The following ZFHX3 variants were observed in gnomAD, a reference collection of about 807,000 sequenced individuals.
ZFHX3 encodes zinc finger homeobox protein 3.
A neutral mutation model predicts 279.1 loss-of-function variants in ZFHX3; 42 were observed. That is an observed-to-expected ratio of 0.15 (90% CI 0.12 to 0.19). The LOEUF (loss-of-function observed/expected upper bound fraction) is 0.19, where lower values mean the gene tolerates loss of function less well. Ranked by LOEUF, ZFHX3 falls within the 10% of genes least tolerant of loss-of-function variation. The pLI is 1.00. For synonymous variants in ZFHX3, 2,293 were observed against 1,957.8 expected, an observed-to-expected ratio of 1.17 and a Z score of -4.52; for missense variants, 4,981 against 4,754.0, an observed-to-expected ratio of 1.05 and a Z score of -1.40.
intron 1 of ZFHX3, among the ~76,000 whole-genome samples, chr16:73,835,807 G>A (rs1450739600): frequency 6.6e-6 from 1 of 152,004 alleles, no homozygotes; most frequent in African/African-American, 2.4e-5. Flanking sequence ...AGAGAAAAAA[G>A]AAAATTACAC....
chr16:72,884,601 C>T (rs1198001434), intron 4 of ZFHX3, among the ~76,000 whole-genome samples: 5 of 152,092 alleles, frequency 3.3e-5, no homozygotes, highest in Admixed American at 6.6e-5. Context: ...AGAAAAAGTA[C>T]TTAGGACAAG....
At chr16:73,365,100 G>A (rs1177767917) in intron 3 of ZFHX3, among the ~76,000 whole-genome samples, 1 of 152,180 alleles carries the variant, frequency 6.6e-6, no homozygotes, top group Admixed American at 6.5e-5. Flanking sequence ...CACATGTTTC[G>A]AGAAGAGAGG....
chr16:73,457,776 AAAAAT>A (rs576060574), intron 2 of ZFHX3, among the ~76,000 whole-genome samples: 4 of 152,186 alleles, frequency 2.6e-5, no homozygotes, highest in East Asian at 1.9e-4. Context: ...CTCCGTCTCA[AAAAAT>A]AAAATAAAAT....
intron 1 of ZFHX3, among the ~76,000 whole-genome samples, chr16:73,778,263 G>A (rs934621021): frequency 8.0e-3 from 385 of 48,036 alleles, no homozygotes; most frequent in African/African-American, 0.015. Context: ...AAAAAAAAAA[G>A]CATTGGACTT....
chr16:73,880,571 G>A (rs1292345075), intron 1 of ZFHX3, among the ~76,000 whole-genome samples: 8 of 152,278 alleles, frequency 5.3e-5, no homozygotes, highest in African/African-American at 1.4e-4. Flanking sequence ...AAGAGGGCTA[G>A]TGAAGTTAAA....
In ZFHX3 at chr16:73,600,418, C is replaced by CTT. The variant is rs34947000; in HGVS notation, c.-1547+79760_-1547+79761dup. ...CTGTGTATAGACCTTGGTCTCTCTA[C>CTT]TTTTTTTTTTTTTTTTTGAGATGGA... On this transcript the variant is annotated intron_variant, in intron 2 of 17. Transcript: ENST00000641206. 1.6e-3 allele frequency among the ~76,000 whole-genome samples: 190 copies of CTT among 119,570 alleles called. 2 individuals carry two copies. The highest frequency in any genetic ancestry group is 2.6e-3 in the East Asian group (10 of 3,818). 78.4% of individuals were successfully genotyped at this position (119,570 alleles called of 152,430 possible). A position where few individuals can be genotyped will look rare whatever the true frequency, so the allele number is the denominator to read the frequency against.
chr16:73,445,690 C>A lies in ZFHX3; in HGVS notation c.-1291+10313G>T, dbSNP rs572827348. 3.5e-4 allele frequency among the ~76,000 whole-genome samples: 54 copies of A among 152,302 alleles called. 2 individuals are homozygous for A. In the Middle Eastern group the frequency reaches 0.01, roughly 29 times the overall value. On this transcript the variant is annotated intron_variant, in intron 3 of 17. Coordinates refer to the ZFHX3 transcript ENST00000641206. ...CAGGTCACAGAAACCCAACTTCCAA[C>A]TTCTGGAGTCTCATTCATTGAGAGC... is the stretch of plus-strand genomic sequence containing the variant.
intron 1 of ZFHX3, among the ~76,000 whole-genome samples, chr16:73,807,298 A>T (rs181657811): frequency 4.6e-5 from 7 of 152,050 alleles, no homozygotes; most frequent in Non-Finnish European, 8.8e-5. Context: ...CTTTTGACTG[A>T]TTCTCCCTCC....
intron 2 of ZFHX3, among the ~76,000 whole-genome samples, chr16:73,526,236 A>C (rs1298849087): frequency 6.6e-6 from 1 of 152,214 alleles, no homozygotes; most frequent in Non-Finnish European, 1.5e-5. Flanking sequence ...TCATGGGCTG[A>C]TATATTCTTT....
intron 3 of ZFHX3, among the ~76,000 whole-genome samples, chr16:73,381,540 T>A (rs916679780): frequency 6.6e-6 from 1 of 152,192 alleles, no homozygotes; most frequent in African/African-American, 2.4e-5. Flanking sequence ...AGACAGAATT[T>A]CATTTCACAG....
chr16:73,350,994 G>C (rs911002382), intron 3 of ZFHX3, among the ~76,000 whole-genome samples: 2 of 152,156 alleles, frequency 1.3e-5, no homozygotes, highest in African/African-American at 4.8e-5. Context: ...GAAAAATGGA[G>C]GTGTCAGCAT....
chr16:72,888,767 C>A (rs1453238302), intron 4 of ZFHX3, among the ~76,000 whole-genome samples: 2 of 152,160 alleles, frequency 1.3e-5, no homozygotes, highest in South Asian at 4.1e-4. Context: ...AGATCAGCAG[C>A]GCCCTCCCAA....
rs186501462 is a variant in ZFHX3 at position 73,814,352 on chromosome 16, G to C, written c.-1608+77299C>G. Among the ~76,000 whole-genome samples the C allele has an allele frequency of 1.4e-3, 210 of 152,000 alleles. 3 individuals carry two copies. The highest frequency in any genetic ancestry group is 1.0e-3 in the Non-Finnish European group (68 of 67,986). ...AGTTTTAAAAATTAAAACAAAACAA[G>C]ACCTCTAGCTTGGCTTATAGCCAAT... On this transcript the variant is annotated intron_variant, in intron 1 of 17. Coordinates refer to the ZFHX3 transcript ENST00000641206.
At chr16:73,141,924 A>G (rs1453489597) in intron 6 of ZFHX3, among the ~76,000 whole-genome samples, 2 of 152,020 alleles carry the variant, frequency 1.3e-5, no homozygotes, top group African/African-American at 4.8e-5. Context: ...GGACCTGTTT[A>G]TTTTCATTCT....
intron 5 of ZFHX3, among the ~76,000 whole-genome samples, chr16:72,819,323 C>A (rs947107393): frequency 6.6e-5 from 10 of 152,034 alleles, no homozygotes; most frequent in African/African-American, 2.4e-4. Flanking sequence ...CCATGCCTCC[C>A]TAACCCAGCA....
chr16:73,803,983 C>T (rs899645977), intron 1 of ZFHX3, among the ~76,000 whole-genome samples: 1 of 152,000 alleles, frequency 6.6e-6, no homozygotes, highest in African/African-American at 2.4e-5. Flanking sequence ...ATGGCAAAAC[C>T]GCGTCTCTAC....
At chr16:73,467,637 T>C (rs12446956) in intron 2 of ZFHX3, among the ~76,000 whole-genome samples, 15,788 of 152,216 alleles carry the variant, frequency 0.1, 1,146 homozygotes, top group South Asian at 0.28. Flanking sequence ...GGTGAGTGTA[T>C]GGGTATTCAC....
chr16:72,919,685 A>G (rs1290539456), intron 3 of ZFHX3, among the ~76,000 whole-genome samples: 1 of 147,858 alleles, frequency 6.8e-6, no homozygotes, highest in African/African-American at 2.5e-5. Flanking sequence ...TATACCTCCA[A>G]TTTTACATAA....
chr16:72,924,771 G>T lies in ZFHX3; in HGVS notation c.3216+25698C>A, dbSNP rs117186866. Reference sequence around the variant, plus strand: ...TTAGAGCAAGGAGAATTAGTTAATTGTCAGAAACCCTTCTCGTTCACTCTC... The same window carrying T: ...TTAGAGCAAGGAGAATTAGTTAATTTTCAGAAACCCTTCTCGTTCACTCTC... On this transcript the variant is annotated intron_variant, in intron 3 of 9. Transcript: ENST00000268489. Among the ~76,000 whole-genome samples, 1,516 of 152,320 alleles carry T rather than the reference G, an allele frequency of 1.0e-2. 42 individuals are homozygous for T. The highest frequency in any genetic ancestry group is 0.037 in the East Asian group (192 of 5,186).
Sources: gnomAD v4.1 joint callset for allele counts (sites outside exome capture counted in the v4.1 genomes callset) on GRCh38, gnomAD v4.1.1 for gene constraint, MANE v1.5 for transcripts, NCBI Gene and HGNC (gene_info 2026-07-23, HGNC 2026-07-21) for gene names.